The following UNC13B variants were observed in gnomAD, a reference collection of about 807,000 sequenced individuals.
UNC13B encodes protein unc-13 homolog B.
In UNC13B, 144 loss-of-function variants were observed where a neutral mutation model predicts 211.0. The observed-to-expected ratio is 0.68, with a 90% CI of 0.60 to 0.78. The LOEUF is 0.78. Ranked by LOEUF, UNC13B falls within the 30% of genes least tolerant of loss-of-function variation. The pLI is 0.00. For missense variants in UNC13B, 1,777 were observed against 2,002.0 expected, an observed-to-expected ratio of 0.89 and a Z score of 2.14; for synonymous variants, 709 against 725.8, an observed-to-expected ratio of 0.98 and a Z score of 0.37.
At chr9:35,361,518 T>A (rs1226094864) in intron 11 of UNC13B, 1 of 152,196 alleles carries the variant, frequency 6.6e-6, no homozygotes, top group Admixed American at 6.5e-5. Flanking sequence ...GTTTTCTAAG[T>A]CCTGAAAGTT....
At chr9:35,193,597 G>A (rs551846476) in intron 1 of UNC13B, among the ~76,000 whole-genome samples, 1 of 147,952 alleles carries the variant, frequency 6.8e-6, no homozygotes, top group Admixed American at 6.9e-5. Context: ...GGTGGAGGTT[G>A]CATTGAGCCG....
chr9:35,305,702 G>T lies in UNC13B; in HGVS notation c.6298G>T (p.Glu2100Ter), dbSNP rs150420359. The T allele has an allele frequency of 2.2e-3, 861 of 398,926 alleles. 4 individuals are homozygous for T. Among genetic ancestry groups the T allele is most frequent in the South Asian group, 8.9e-4 (7 of 7,838 alleles). 24.7% of individuals were successfully genotyped at this position (398,926 alleles called of 1,614,324 possible). A position where few individuals can be genotyped will look rare whatever the true frequency, so the allele number is the denominator to read the frequency against. ...STSSLKESSR[E>*]SSVETSGVTT... The stretch of plus-strand genomic sequence containing the variant: ...AAGTAGTCTCAAAGAGTCTTCCAGG[G>T]AGTCTTCAGTAGAAACTAGTGGTGT... Residue 2100 changes from glutamate to a stop codon, truncating the protein, a stop_gained, in exon 9 of 40, where the codon GAG (glutamate) becomes TAG (stop). Transcript: ENST00000635942. LOFTEE classifies it high-confidence loss of function.
chr9:35,286,366 G>A lies in UNC13B; in HGVS notation c.527-9330G>A, dbSNP rs374996653. Among the ~76,000 whole-genome samples, 13 of 151,566 alleles carry A rather than the reference G, an allele frequency of 8.6e-5. No individual in the cohort carries two copies. In the South Asian group the frequency reaches 2.5e-3, roughly 29 times the overall value. ...TCCTGCCTTAGCCTCCCAAGTAGCTGGGATTACAGGTGCCTGCCACCATGC... is the reference window on the plus strand; with the variant it reads ...TCCTGCCTTAGCCTCCCAAGTAGCTAGGATTACAGGTGCCTGCCACCATGC... On this transcript the variant is annotated intron_variant, in intron 7 of 39. Transcript: ENST00000635942.
At chr9:35,205,221 A>G (rs945607017) in intron 1 of UNC13B, among the ~76,000 whole-genome samples, 3 of 152,120 alleles carry the variant, frequency 2.0e-5, no homozygotes, top group Admixed American at 6.6e-5. Flanking sequence ...TGCTTCCTGT[A>G]TAGCCTGTGG....
intron 32 of UNC13B, 33 bp downstream of exon 32, chr9:35,398,675 C>G (rs918052745): frequency 1.2e-6 from 2 of 1,609,412 alleles, no homozygotes; most frequent in Non-Finnish European, 1.7e-6. Flanking sequence ...GCCCTCAGAG[C>G]CAGATGTGGT....
rs1266083500 is a variant in UNC13B, at chr9:35,379,479, A to G, written c.10206-991A>G. ...GAAAAGAAAAAAAAAAGGGATTAGG[A>G]TATAGTAAAATTCATCTCTAATCCA... On this transcript the variant is annotated intron_variant, in intron 17 of 39. Transcript: ENST00000635942. Among the ~76,000 whole-genome samples the G allele has an allele frequency of 3.3e-5, 5 of 152,116 alleles. No homozygotes were observed. The East Asian group carries it at 9.6e-4, about 29-fold the overall frequency.
At position 35,403,905 on chromosome 9, in the gene UNC13B, C is replaced by T. The variant is rs775583131; in HGVS notation, c.12895C>T (p.Arg4299Trp). Residue 4299 changes from arginine (R) to tryptophan (W), a missense_variant, in exon 40 of 40, where the codon CGG becomes TGG. Arg to Trp is a moderately radical substitution (Grantham distance 101). Coordinates refer to ENST00000635942, the MANE Select transcript of UNC13B (RefSeq NM_001371189.2). ...GSCACWCPLGRKIHMDETGLT... is the reference protein window; with the variant it reads ...GSCACWCPLGWKIHMDETGLT... ...CTGTGCCTGCTGGTGCCCCTTGGGC[C>T]GGAAGATCCATATGGATGAGACAGG... is the stretch of plus-strand genomic sequence containing the variant. 1.1e-5 allele frequency: 18 copies of T among 1,614,046 alleles called. No homozygotes were observed. The highest frequency in any genetic ancestry group is 8.3e-5 in the Admixed American group (5 of 60,016).
At chr9:35,212,326 A>G (rs1316000005) in intron 1 of UNC13B, among the ~76,000 whole-genome samples, 1 of 152,222 alleles carries the variant, frequency 6.6e-6, no homozygotes, top group African/African-American at 2.4e-5. Context: ...TAATCCCAGG[A>G]CTTTGGGAGG....
At chr9:35,272,755 A>T (rs966545583) in intron 7 of UNC13B, among the ~76,000 whole-genome samples, 1 of 152,192 alleles carries the variant, frequency 6.6e-6, no homozygotes, top group African/African-American at 2.4e-5. Flanking sequence ...GTTGAGATTG[A>T]CATAGTTTAG....
At chr9:35,351,763 G>A (rs1433245604) in intron 11 of UNC13B, 2 of 1,232,196 alleles carry the variant, frequency 1.6e-6, no homozygotes, top group East Asian at 6.3e-5. Flanking sequence ...GCTTTGGGCA[G>A]CAGAACAACA....
At chr9:35,205,771 T>C (rs1823609486) in intron 1 of UNC13B, among the ~76,000 whole-genome samples, 1 of 152,238 alleles carries the variant, frequency 6.6e-6, no homozygotes, top group Non-Finnish European at 1.5e-5. Flanking sequence ...TATATGGGTA[T>C]ACTATAATTT....
At chr9:35,309,097 C>T (rs2131854367) in intron 9 of UNC13B, among the ~76,000 whole-genome samples, 1 of 152,226 alleles carries the variant, frequency 6.6e-6, no homozygotes, top group Middle Eastern at 3.4e-3. Flanking sequence ...CAGTCTCGAG[C>T]AGTGTACAGG....
intron 4 of UNC13B, among the ~76,000 whole-genome samples, chr9:35,237,095 C>T (rs929472007): frequency 2.0e-5 from 3 of 152,112 alleles, no homozygotes; most frequent in Non-Finnish European, 2.9e-5. Flanking sequence ...TGTCTCTATA[C>T]GTTATTTCTA....
intron 11 of UNC13B, among the ~76,000 whole-genome samples, chr9:35,327,292 G>A (rs909656267): frequency 2.6e-5 from 4 of 152,156 alleles, no homozygotes; most frequent in African/African-American, 7.2e-5. Context: ...ATGATTACAA[G>A]GTGAAGTCCC....
At chr9:35,276,237 T>C (rs955672632) in intron 7 of UNC13B, among the ~76,000 whole-genome samples, 4 of 150,762 alleles carry the variant, frequency 2.7e-5, no homozygotes, top group African/African-American at 7.3e-5. Flanking sequence ...GCCCAGGAAG[T>C]TGAGACTGCA....
intron 6 of UNC13B, among the ~76,000 whole-genome samples, chr9:35,258,432 G>A (rs1587486020): frequency 6.6e-6 from 1 of 152,268 alleles, no homozygotes; most frequent in East Asian, 1.9e-4. Flanking sequence ...TGTTTTTGTG[G>A]TGGTTGTGGT....
intron 7 of UNC13B, among the ~76,000 whole-genome samples, chr9:35,284,081 G>A (rs555479627): frequency 4.1e-4 from 62 of 152,264 alleles, no homozygotes; most frequent in Non-Finnish European, 7.1e-4. Flanking sequence ...CCAACATGGT[G>A]AAATCCCATC....
Position 35,162,282 on chromosome 9 carries a change from C to T in UNC13B, c.-2C>T, listed in dbSNP as rs1178300381. On this transcript the variant is annotated 5_prime_UTR_variant, in exon 1 of 40. Coordinates refer to ENST00000635942, the MANE Select transcript of UNC13B (RefSeq NM_001371189.2). ...CGGCAGAGGCTTGCCCGATCCTCGG[C>T]CATGTCACTGCTCTGCGTGCGCGGT... The T allele has an allele frequency of 6.5e-6, 10 of 1,541,970 alleles. No homozygotes were observed. The African/African-American group carries it at 1.1e-4, about 17-fold the overall frequency.
intron 9 of UNC13B, 83 bp from the exon 10 acceptor site, chr9:35,310,384 A>G (rs1436185400): frequency 4.9e-6 from 7 of 1,425,748 alleles, no homozygotes; most frequent in Non-Finnish European, 6.7e-6. Flanking sequence ...TAATGTAGTC[A>G]TTATTTCCTG....
Sources: allele counts gnomAD v4.1 joint callset (sites outside exome capture counted in the v4.1 genomes callset), GRCh38; gene constraint gnomAD v4.1.1; transcripts MANE v1.5; gene names NCBI Gene and HGNC (gene_info 2026-07-23, HGNC 2026-07-21).